The following NAPEPLD variants were observed in gnomAD, a reference collection of about 807,000 sequenced individuals.
NAPEPLD encodes the protein N-acyl-phosphatidylethanolamine-hydrolyzing phospholipase D.
In NAPEPLD, 23 loss-of-function variants were observed where a neutral mutation model predicts 38.1. The ratio of observed to expected loss-of-function variants is 0.60; its 90% confidence interval spans 0.43 to 0.86. The LOEUF (loss-of-function observed/expected upper bound fraction) is 0.86, where lower values mean the gene tolerates loss of function less well. Ranked by LOEUF, NAPEPLD falls within the 40% of genes least tolerant of loss-of-function variation. The pLI, the probability that NAPEPLD is intolerant of heterozygous loss-of-function variation, is 0.00. For missense variants in NAPEPLD, 411 were observed against 476.8 expected, an observed-to-expected ratio of 0.86 and a Z score of 1.28; for synonymous variants, 147 against 162.0, an observed-to-expected ratio of 0.91 and a Z score of 0.71.
At chr7:103,113,625 AC>A in intron 4 of NAPEPLD, among the ~76,000 whole-genome samples, 6 of 100,796 alleles carry the variant, frequency 6.0e-5, no homozygotes, top group Admixed American at 3.2e-4. Flanking sequence ...ACAGAGTCTC[AC>A]TTTTTTTTTT....
intron 1 of NAPEPLD, chr7:103,148,253 G>T: frequency 3.5e-6 from 1 of 287,084 alleles, no homozygotes; most frequent in Non-Finnish European, 5.2e-6. Context: ...CTAAGCCAAA[G>T]CCAACCAGGT....
intron 1 of NAPEPLD, among the ~76,000 whole-genome samples, chr7:103,132,850 TTCTC>T (rs1408548302): frequency 1.2e-4 from 18 of 151,994 alleles, no homozygotes; most frequent in Admixed American, 3.3e-4. Flanking sequence ...GTGATCTTTC[TTCTC>T]TCTAAATAAT....
intron 1 of NAPEPLD, among the ~76,000 whole-genome samples, chr7:103,129,127 T>C (rs1808422523): frequency 6.6e-6 from 1 of 152,130 alleles, no homozygotes; most frequent in Non-Finnish European, 1.5e-5. Flanking sequence ...TAGCCAGGCA[T>C]GGTGGCACAT....
intron 1 of NAPEPLD, among the ~76,000 whole-genome samples, chr7:103,131,160 T>C (rs913029998): frequency 6.6e-6 from 1 of 152,168 alleles, no homozygotes; most frequent in Non-Finnish European, 1.5e-5. Context: ...GTATTTGTCA[T>C]ATACATATAC....
In NAPEPLD at chr7:103,103,526, T is replaced by C. The variant is rs563587119; in HGVS notation, c.1085A>G (p.Asn362Ser). Residue 362 changes from asparagine (N) to serine (S), a missense_variant, in exon 5 of 5, where the codon AAT becomes AGT. Asn to Ser is a conservative substitution (Grantham distance 46). Transcript: ENST00000465647. ...EHYLEPPVKL[N>S]EALERYGLNA... ...AAGTCCGTATCTCTCTAGAGCTTCA[T>C]TCAGCTTCACTGGAGGCTCTAAGTA... The C allele has an allele frequency of 1.3e-6, 2 of 1,593,642 alleles. No individual in the cohort carries two copies. The highest frequency in any genetic ancestry group is 2.3e-5 in the East Asian group (1 of 43,842).
intron 1 of NAPEPLD, among the ~76,000 whole-genome samples, chr7:103,143,548 A>C (rs963202488): frequency 1.3e-5 from 2 of 152,102 alleles, no homozygotes; most frequent in African/African-American, 4.8e-5. Flanking sequence ...TGCTTCCAGA[A>C]GTCTCCTTAA....
chr7:103,148,891 A>G lies in NAPEPLD; in HGVS notation c.-97T>C. 6.1e-6 allele frequency: 6 copies of G among 985,352 alleles called. No homozygotes were observed. The highest frequency in any genetic ancestry group is 7.2e-6 in the Non-Finnish European group (6 of 829,908). 61.0% of individuals were successfully genotyped at this position (985,352 alleles called of 1,614,324 possible). ...CAAATCCCAGACAGCTACTCTCCCA[A>G]AGAGAAAAAAAATAATGCTGTGGCT... is the stretch of plus-strand genomic sequence containing the variant. On this transcript the variant is annotated 5_prime_UTR_variant, in exon 1 of 5. Coordinates refer to ENST00000465647, the MANE Select transcript of NAPEPLD (RefSeq NM_001122838.3).
At chr7:103,137,337 T>G (rs1810277796) in intron 1 of NAPEPLD, among the ~76,000 whole-genome samples, 1 of 152,048 alleles carries the variant, frequency 6.6e-6, no homozygotes, top group African/African-American at 2.4e-5. Context: ...ACATAAACAC[T>G]CTAGAAGCTT....
In NAPEPLD at chr7:103,099,905, G is replaced by A. The variant is rs1802146626; in HGVS notation, c.*3524C>T. ...TATAACAATTTATTGATACATCTGG[G>A]ATTCAGCCAGGTCTTATAGTATTTA... On this transcript the variant is annotated 3_prime_UTR_variant, in exon 5 of 5. Coordinates refer to ENST00000465647, the MANE Select transcript of NAPEPLD (RefSeq NM_001122838.3). The A allele has an allele frequency of 6.6e-6, 1 of 151,886 alleles. No homozygotes were observed. The highest frequency in any genetic ancestry group is 2.4e-5 in the African/African-American group (1 of 41,320). The allele number at this position is 151,886 out of a possible 1,614,324, so 9.4% of individuals were successfully genotyped here.
At chr7:103,145,078 C>T (rs974176985) in intron 1 of NAPEPLD, among the ~76,000 whole-genome samples, 1 of 152,064 alleles carries the variant, frequency 6.6e-6, no homozygotes, top group Admixed American at 6.5e-5. Flanking sequence ...GTTGATCATT[C>T]TATGTCTCAG....
intron 4 of NAPEPLD, among the ~76,000 whole-genome samples, chr7:103,111,620 T>G (rs1176694904): frequency 6.6e-6 from 1 of 152,186 alleles, no homozygotes; most frequent in Non-Finnish European, 1.5e-5. Context: ...CAAGATGGAT[T>G]AAAGACTTAA....
chr7:103,129,670 A>T (rs1228476031), intron 1 of NAPEPLD, among the ~76,000 whole-genome samples: 2 of 152,218 alleles, frequency 1.3e-5, no homozygotes, highest in Non-Finnish European at 2.9e-5. Flanking sequence ...TATTTAACTG[A>T]TCAATAAAAT....
At chr7:103,104,107 A>C (rs1378526889) in intron 4 of NAPEPLD, among the ~76,000 whole-genome samples, 1 of 152,206 alleles carries the variant, frequency 6.6e-6, no homozygotes, top group Non-Finnish European at 1.5e-5. Context: ...AGAGGAGTCA[A>C]GATTTTGCCC....
intron 4 of NAPEPLD, among the ~76,000 whole-genome samples, chr7:103,105,241 G>A (rs894452245): frequency 6.6e-6 from 1 of 152,224 alleles, no homozygotes. Context: ...TACATATAAA[G>A]CAAAACAGCA....
chr7:103,141,957 C>G (rs560904242), intron 1 of NAPEPLD: 64 of 816,164 alleles, frequency 7.8e-5, no homozygotes, highest in Non-Finnish European at 1.2e-4. Context: ...GCCACAGCAG[C>G]GAAAGGAAAG....
intron 1 of NAPEPLD, chr7:103,141,316 G>A (rs1032355595): frequency 7.5e-5 from 43 of 575,966 alleles, no homozygotes; most frequent in Middle Eastern, 1.1e-3. Context: ...ATGTAATCAC[G>A]GAGGCCAGTA....
intron 4 of NAPEPLD, among the ~76,000 whole-genome samples, chr7:103,106,704 TCTC>T (rs1803434906): frequency 1.4e-5 from 2 of 139,542 alleles, no homozygotes; most frequent in African/African-American, 2.6e-5. Context: ...TCTCTAGACT[TCTC>T]CTCTCTGGGC....
At chr7:103,144,409 TGAA>T (rs1251296657) in intron 1 of NAPEPLD, among the ~76,000 whole-genome samples, 3 of 152,204 alleles carry the variant, frequency 2.0e-5, no homozygotes, top group Admixed American at 6.5e-5. Flanking sequence ...TAATTTTACA[TGAA>T]GAAGGTTTCA....
intron 1 of NAPEPLD, chr7:103,141,304 C>T (rs1333577770): frequency 1.7e-5 from 6 of 343,388 alleles, no homozygotes; most frequent in South Asian, 2.4e-5. Context: ...AATGGCTGAT[C>T]TATGTAATCA....
Sources: gnomAD v4.1 joint callset for allele counts (sites outside exome capture counted in the v4.1 genomes callset) on GRCh38, gnomAD v4.1.1 for gene constraint, MANE v1.5 for transcripts, NCBI Gene and HGNC (gene_info 2026-07-23, HGNC 2026-07-21) for gene names.